PRKACB: variants seen among roughly 807,000 people sequenced by gnomAD.
PRKACB encodes protein kinase cAMP-activated catalytic subunit beta, also known as cAMP-dependent protein kinase catalytic subunit beta.
PRKACB carries 16 observed loss-of-function variants against 51.4 expected under a neutral mutation model. That is an observed-to-expected ratio of 0.31 (90% confidence interval 0.21 to 0.47). PRKACB has a LOEUF of 0.47. Among genes scored for constraint, PRKACB ranks in the 20% least tolerant of loss-of-function variants. The probability of loss-of-function intolerance (pLI) is 1.00; values close to 1 mark genes in which losing one functional copy is unlikely to be tolerated. For synonymous variants in PRKACB, 147 were observed against 154.4 expected, an observed-to-expected ratio of 0.95 and a Z score of 0.35; for missense variants, 309 against 464.5, an observed-to-expected ratio of 0.67 and a Z score of 3.08.
At chr1:84,093,542 G>A (rs532267636) in intron 1 of PRKACB, among the ~76,000 whole-genome samples, 11 of 151,982 alleles carry the variant, frequency 7.2e-5, no homozygotes, top group South Asian at 6.2e-4. Context: ...ATCATAATCA[G>A]TAGTATAAAT....
chr1:84,134,490 A>T (rs1652592733), intron 1 of PRKACB, among the ~76,000 whole-genome samples: 1 of 152,194 alleles, frequency 6.6e-6, no homozygotes, highest in African/African-American at 2.4e-5. Context: ...AAGTACCTGT[A>T]CTGCAAAGAA....
intron 3 of PRKACB, among the ~76,000 whole-genome samples, chr1:84,183,531 T>A (rs1558158643): frequency 6.6e-6 from 1 of 151,804 alleles, no homozygotes; most frequent in Non-Finnish European, 1.5e-5. Context: ...AGTTATGGAC[T>A]TTCTCTTCAT....
chr1:84,152,562 G>C (rs116581061), intron 1 of PRKACB, among the ~76,000 whole-genome samples: 236 of 152,278 alleles, frequency 1.5e-3, no homozygotes, highest in African/African-American at 5.3e-3. Context: ...ACCTGGTGCA[G>C]CTTCTCCATT....
At chr1:84,113,377 TG>T (rs1378181086) in intron 1 of PRKACB, among the ~76,000 whole-genome samples, 1 of 152,186 alleles carries the variant, frequency 6.6e-6, no homozygotes, top group East Asian at 1.9e-4. Context: ...AAAGACATAC[TG>T]GTGAGGATGC....
rs1316195272 is a variant in PRKACB, at chr1:84,236,016, T to C, written c.*711T>C. 1 of 152,602 alleles carries C rather than the reference T, an allele frequency of 6.6e-6. No homozygotes were observed. The highest frequency in any genetic ancestry group is 2.4e-5 in the African/African-American group (1 of 41,428). 9.5% of individuals were successfully genotyped at this position (152,602 alleles called of 1,614,324 possible). ...GTAATGAAGTGACCAGCCTGTGTAG[T>C]GTGACAAACGTGTCTCATTCAGCAG... is the stretch of plus-strand genomic sequence containing the variant. On this transcript the variant is annotated 3_prime_UTR_variant, in exon 10 of 10. Coordinates refer to ENST00000370685, the MANE Select transcript of PRKACB (RefSeq NM_182948.4).
rs1317796313 is a variant in PRKACB, at chr1:84,162,602, A to G, written c.188-16575A>G. On this transcript the variant is annotated intron_variant, in intron 1 of 9. Transcript: ENST00000370685. ...TATACTGAGTTTTAAAATTTTGGTT[A>G]TTATACTTTTCAAATCTGCACTTTT... is the stretch of plus-strand genomic sequence containing the variant. 2.0e-5 allele frequency among the ~76,000 whole-genome samples: 3 copies of G among 151,898 alleles called. 1 individual carries two copies. Among genetic ancestry groups the G allele is most frequent in the South Asian group, 4.1e-4 (2 of 4,824 alleles).
intron 2 of PRKACB, among the ~76,000 whole-genome samples, 154 bp from the exon 3 acceptor site, chr1:84,182,046 C>A (rs371980693): frequency 6.6e-6 from 1 of 151,894 alleles, no homozygotes; most frequent in East Asian, 1.9e-4. Context: ...AAAATAGAAC[C>A]AATAAACTGG....
chr1:84,193,888 G>A lies in PRKACB; in HGVS notation c.561-2728G>A, dbSNP rs867773098. On this transcript the variant is annotated intron_variant, in intron 5 of 9. Coordinates refer to ENST00000370685, the MANE Select transcript of PRKACB (RefSeq NM_182948.4). ...ATGAACTGAAACAGGACTGATGATG[G>A]TAATTTGATTCATAAAATGATGGTG... Among the ~76,000 whole-genome samples the A allele has an allele frequency of 2.0e-5, 3 of 152,112 alleles. No individual in the cohort carries two copies. The South Asian group carries it at 6.2e-4, about 32-fold the overall frequency.
At chr1:84,090,648 A>G (rs914223091) in intron 1 of PRKACB, among the ~76,000 whole-genome samples, 3 of 152,152 alleles carry the variant, frequency 2.0e-5, no homozygotes, top group African/African-American at 4.8e-5. Flanking sequence ...CATGACCTCT[A>G]CATGTGGCTT....
At chr1:84,162,667 A>G (rs1656352353) in intron 1 of PRKACB, among the ~76,000 whole-genome samples, 1 of 151,938 alleles carries the variant, frequency 6.6e-6, no homozygotes, top group African/African-American at 2.4e-5. Context: ...GAAAGTTTCT[A>G]TATGTTGTTC....
At chr1:84,204,656 A>G (rs1572424045) in intron 8 of PRKACB, 3 of 1,108,122 alleles carry the variant, frequency 2.7e-6, no homozygotes, top group East Asian at 6.0e-5. Flanking sequence ...TTTTACTAAT[A>G]CAAAAACTAA....
chr1:84,181,696 G>T (rs1456020305), intron 2 of PRKACB: 30 of 1,524,030 alleles, frequency 2.0e-5, no homozygotes, highest in Non-Finnish European at 2.5e-5. Flanking sequence ...CTTATATAAA[G>T]ACAGAAATGA....
Position 84,144,332 on chromosome 1 carries a change from T to G in PRKACB, c.-30T>G. 1.2e-6 allele frequency: 2 copies of G among 1,601,772 alleles called. No homozygotes were observed. Among genetic ancestry groups the G allele is most frequent in the Non-Finnish European group, 1.7e-6 (2 of 1,176,430 alleles). ...GAGCTCCTTCTGGAAACATTTGCAG[T>G]TACATTAAGTAAAGTGTAAATGCAC... is the stretch of plus-strand genomic sequence containing the variant. On this transcript the variant is annotated 5_prime_UTR_variant, in exon 1 of 10. Transcript: ENST00000370685.
Position 84,080,269 on chromosome 1 carries a change from T to C in PRKACB, c.46+1898T>C, listed in dbSNP as rs553791279. Among the ~76,000 whole-genome samples the C allele has an allele frequency of 2.0e-5, 3 of 152,306 alleles. No individual in the cohort carries two copies. In the South Asian group the frequency reaches 6.2e-4, roughly 32 times the overall value. ...TTACCAAAACAATTCTCCCTTAGTA[T>C]TAATTTGCAACTCATAGCTGTGAAA... On this transcript the variant is annotated intron_variant, in intron 1 of 8. Coordinates refer to the PRKACB transcript ENST00000370688.
At chr1:84,122,304 A>C (rs995649137) in intron 1 of PRKACB, among the ~76,000 whole-genome samples, 3 of 152,202 alleles carry the variant, frequency 2.0e-5, no homozygotes, top group African/African-American at 7.2e-5. Flanking sequence ...ATGTTAAGAC[A>C]AATTGGTGTT....
In PRKACB at chr1:84,223,601, C is replaced by G. The variant is rs561846101; in HGVS notation, c.1071+9284C>G. ...AGCCAGGATGGTCTCGATCTCCTGA[C>G]CTCATGATCCACCCACCTTGGCCTC... On this transcript the variant is annotated intron_variant, in intron 9 of 9. Coordinates refer to ENST00000370685, the MANE Select transcript of PRKACB (RefSeq NM_182948.4). Among the ~76,000 whole-genome samples the G allele has an allele frequency of 5.3e-4, 80 of 152,150 alleles. 1 individual carries two copies. The South Asian group carries it at 0.016, about 31-fold the overall frequency.
chr1:84,202,532 G>T, intron 7 of PRKACB, 151 bp from the exon 8 acceptor site: 2 of 607,538 alleles, frequency 3.3e-6, no homozygotes, highest in African/African-American at 1.9e-5. Context: ...TGATACATTT[G>T]GTTCATTTTT....
intron 8 of PRKACB, among the ~76,000 whole-genome samples, chr1:84,208,388 T>C (rs1671659067): frequency 6.6e-6 from 1 of 152,378 alleles, no homozygotes; most frequent in African/African-American, 2.4e-5. Flanking sequence ...TAATGTAATT[T>C]GACAGTAGTT....
chr1:84,126,733 C>G (rs542205639), intron 1 of PRKACB, among the ~76,000 whole-genome samples: 234 of 152,262 alleles, frequency 1.5e-3, no homozygotes, highest in Non-Finnish European at 2.3e-3. Context: ...CCTTCCCCAG[C>G]TTAATAATAA....
Sources: allele counts gnomAD v4.1 joint callset (sites outside exome capture counted in the v4.1 genomes callset), GRCh38; gene constraint gnomAD v4.1.1; transcripts MANE v1.5; gene names NCBI Gene and HGNC (gene_info 2026-07-23, HGNC 2026-07-21).